Variants in VIRMA observed in about 807,000 individuals in gnomAD.
VIRMA encodes the protein protein virilizer homolog.
In VIRMA, 65 loss-of-function variants were observed where a neutral mutation model predicts 182.4. The observed-to-expected ratio is 0.36, with a 90% CI of 0.29 to 0.44. The LOEUF (loss-of-function observed/expected upper bound fraction) is 0.44. Ranked by LOEUF, VIRMA falls within the 20% of genes least tolerant of loss-of-function variation. VIRMA has a pLI of 1.00. For synonymous variants in VIRMA, 709 were observed against 743.1 expected, an observed-to-expected ratio of 0.95 and a Z score of 0.75; for missense variants, 1,752 against 2,158.1, an observed-to-expected ratio of 0.81 and a Z score of 3.73.
chr8:94,505,455 G>T (rs1031649020), intron 16 of VIRMA, among the ~76,000 whole-genome samples: 1 of 151,570 alleles, frequency 6.6e-6, no homozygotes, highest in Non-Finnish European at 1.5e-5. Flanking sequence ...ACAGTGAGCA[G>T]TCTGAGGTTT....
intron 1 of VIRMA, among the ~76,000 whole-genome samples, chr8:94,545,002 G>C (rs1815712269): frequency 6.6e-6 from 1 of 152,156 alleles, no homozygotes; most frequent in South Asian, 2.1e-4. Flanking sequence ...GTGCATGCCT[G>C]TAACCCTAAC....
intron 23 of VIRMA, among the ~76,000 whole-genome samples, chr8:94,489,201 AT>A (rs1203864687): frequency 6.6e-6 from 1 of 152,258 alleles, no homozygotes; most frequent in African/African-American, 2.4e-5. Flanking sequence ...AACCAAAAAA[AT>A]ATATGCTGTA....
Position 94,541,152 on chromosome 8 carries a change from T to G in VIRMA, c.179+2675A>C, listed in dbSNP as rs558666228. ...ACTTTTTTTTTTTTTGAAACAGTCTTGCTTTGTTGCCCAAGCTGGAGGGCA... is the reference window on the plus strand; with the variant it reads ...ACTTTTTTTTTTTTTGAAACAGTCTGGCTTTGTTGCCCAAGCTGGAGGGCA... On this transcript the variant is annotated intron_variant, in intron 2 of 23. Transcript: ENST00000297591. 3.3e-5 allele frequency among the ~76,000 whole-genome samples: 5 copies of G among 151,910 alleles called. No homozygotes were observed. The South Asian group carries it at 8.3e-4, about 25-fold the overall frequency.
At chr8:94,494,287 T>C (rs1813695940) in intron 20 of VIRMA, among the ~76,000 whole-genome samples, 2 of 151,248 alleles carry the variant, frequency 1.3e-5, no homozygotes, top group South Asian at 2.1e-4. Flanking sequence ...ACTTTATCTA[T>C]ATTAAAAAAA....
In VIRMA at chr8:94,526,247, T is replaced by G; in HGVS notation, c.1997A>C (p.Asp666Ala). ...CCTAAAGAGAACAGGGTATGGATCA[T>G]CCCTCTCTGGAGGTCCAGTAATTCG... ...MARITGPPERDDPYPVLFRYL... is the reference protein window; with the variant it reads ...MARITGPPERADPYPVLFRYL... The change falls in exon 8 of 24, where the codon GAT becomes GCT. Residue 666 changes from aspartate (D) to alanine (A), a missense_variant. Coordinates refer to ENST00000297591, the MANE Select transcript of VIRMA (RefSeq NM_015496.5). The G allele has an allele frequency of 6.2e-7, 1 of 1,612,610 alleles. No homozygotes were observed. The highest frequency in any genetic ancestry group is 8.5e-7 in the Non-Finnish European group (1 of 1,179,262).
At chr8:94,548,212 A>C (rs1815844136) in intron 1 of VIRMA, among the ~76,000 whole-genome samples, 1 of 144,634 alleles carries the variant, frequency 6.9e-6, no homozygotes, top group East Asian at 2.0e-4. Flanking sequence ...TTACCTAGTC[A>C]AAAAAAAAAA....
rs114893136 is a variant in VIRMA at position 94,504,611 on chromosome 8, G to A, written c.4097+1889C>T. The stretch of plus-strand genomic sequence containing the variant: ...AGATTACTTTGGCTTCTGAGAGAAC[G>A]AATTTTAGAGAGCCAAATGGTGGAA... On this transcript the variant is annotated intron_variant, in intron 16 of 23. Coordinates refer to ENST00000297591, the MANE Select transcript of VIRMA (RefSeq NM_015496.5). Among the ~76,000 whole-genome samples, 1,007 of 152,246 alleles carry A rather than the reference G, an allele frequency of 6.6e-3. 7 individuals carry two copies. The highest frequency in any genetic ancestry group is 0.023 in the African/African-American group (947 of 41,528).
rs373273745 is a variant in VIRMA, at chr8:94,493,753, C to A, written c.4642-935G>T. ...CACTAAATACAAATGTGAAGCAAATCATTCTCTTAGTTTTATTGTATATGA... is the reference window on the plus strand; with the variant it reads ...CACTAAATACAAATGTGAAGCAAATAATTCTCTTAGTTTTATTGTATATGA... On this transcript the variant is annotated intron_variant, in intron 20 of 23. Transcript: ENST00000297591. 6.6e-5 allele frequency among the ~76,000 whole-genome samples: 10 copies of A among 152,248 alleles called. No homozygotes were observed. The East Asian group carries it at 9.6e-4, about 15-fold the overall frequency.
intron 8 of VIRMA, among the ~76,000 whole-genome samples, chr8:94,520,301 C>T (rs1041420828): frequency 3.3e-5 from 5 of 151,722 alleles, no homozygotes; most frequent in African/African-American, 1.2e-4. Context: ...TTCACACCAG[C>T]CTTGAGCAAT....
chr8:94,509,992 T>C, intron 14 of VIRMA, 52 bp from the exon 15 acceptor site: 6 of 1,481,676 alleles, frequency 4.0e-6, no homozygotes, highest in Non-Finnish European at 5.5e-6. Flanking sequence ...CTTAAGGCAT[T>C]GTTTAACTAG....
chr8:94,516,046 T>G (rs1814551595), intron 10 of VIRMA, among the ~76,000 whole-genome samples: 1 of 149,892 alleles, frequency 6.7e-6, no homozygotes, highest in Non-Finnish European at 1.5e-5. Context: ...AGGAGGAAGT[T>G]GCAGTGAGCC....
chr8:94,509,724 T>G lies in VIRMA; in HGVS notation c.3843A>C (p.Glu1281Asp), dbSNP rs779408752. The G allele has an allele frequency of 6.2e-6, 10 of 1,613,814 alleles. No individual in the cohort carries two copies. The highest frequency in any genetic ancestry group is 7.6e-6 in the Non-Finnish European group (9 of 1,179,976). ...GDSVIRQQCV[E>D]YVTSILQSLC... is the part of the protein sequence containing the mutation. ...GAGACTGCAAAATGGATGTGACATA[T>G]TCAACACACTGTTGGCGAATAACAC... The change falls in exon 15 of 24, where the codon GAA (glutamate) becomes GAC (aspartate). Residue 1281 changes from glutamate to aspartate, a missense_variant. Transcript: ENST00000297591.
rs533522805 is a variant in VIRMA, at chr8:94,518,227, C to T, written c.2514-285G>A. ...CAATGAAATATTAACAAGTATACTT[C>T]ATTAGTAATGAAAGGTTAGGAAGTA... On this transcript the variant is annotated intron_variant, in intron 9 of 23. Transcript: ENST00000297591. Among the ~76,000 whole-genome samples, 21 of 152,300 alleles carry T rather than the reference C, an allele frequency of 1.4e-4. No homozygotes were observed. In the East Asian group the frequency reaches 3.5e-3, roughly 25 times the overall value.
chr8:94,505,524 C>A (rs1355579500), intron 16 of VIRMA, among the ~76,000 whole-genome samples: 3 of 151,784 alleles, frequency 2.0e-5, no homozygotes, highest in Admixed American at 2.0e-4. Flanking sequence ...CCCGACTAGA[C>A]TGCAGTGGCA....
At chr8:94,536,966 G>A (rs544034885) in intron 4 of VIRMA, 137 bp downstream of exon 4, 14 of 675,094 alleles carry the variant, frequency 2.1e-5, no homozygotes, top group African/African-American at 1.8e-5. Context: ...GTGACAGAGC[G>A]AGACTCCGTC....
At position 94,506,694 on chromosome 8, in the gene VIRMA, G is replaced by C; in HGVS notation, c.3903C>G (p.Ser1301Arg). 1 of 1,613,548 alleles carries C rather than the reference G, an allele frequency of 6.2e-7. No homozygotes were observed. The highest frequency in any genetic ancestry group is 8.5e-7 in the Non-Finnish European group (1 of 1,179,754). ...GTTCAGAAATAGAACCTTCAGAAGA[G>C]CTTGGTAAGATAAGTGCAATGTCCT... is the stretch of plus-strand genomic sequence containing the variant. ...CDQDIALILPSSSEGSISELE... is the reference protein window; with the variant it reads ...CDQDIALILPRSSEGSISELE... Residue 1301 changes from serine (S) to arginine (R), a missense_variant, in exon 16 of 24, where the codon AGC becomes AGG. Transcript: ENST00000297591.
intron 3 of VIRMA, 58 bp from the exon 4 acceptor site, chr8:94,537,209 A>G: frequency 9.5e-7 from 1 of 1,055,890 alleles, no homozygotes; most frequent in African/African-American, 1.6e-5. Context: ...ACAGTTCATG[A>G]AGACGTCTCT....
chr8:94,528,360 T>A (rs1815046435), intron 7 of VIRMA, among the ~76,000 whole-genome samples: 2 of 140,862 alleles, frequency 1.4e-5, no homozygotes, highest in Admixed American at 7.2e-5. Context: ...TAAAAAAAAA[T>A]CACATGATAA....
chr8:94,506,062 T>C (rs1814142294), intron 16 of VIRMA, among the ~76,000 whole-genome samples: 1 of 152,254 alleles, frequency 6.6e-6, no homozygotes, highest in East Asian at 1.9e-4. Context: ...TACCGTTTTA[T>C]ATAATGGACT....
Sources: allele counts gnomAD v4.1 joint callset (sites outside exome capture counted in the v4.1 genomes callset), GRCh38; gene constraint gnomAD v4.1.1; transcripts MANE v1.5; gene names NCBI Gene and HGNC (gene_info 2026-07-23, HGNC 2026-07-21).